The following DDX10 variants were observed in gnomAD, a reference collection of about 807,000 sequenced individuals.
DDX10 encodes the protein DEAD-box helicase 10.
In DDX10, 74 loss-of-function variants were observed where a neutral mutation model predicts 104.3. The ratio of observed to expected loss-of-function variants is 0.71; its 90% CI spans 0.59 to 0.86. The LOEUF (loss-of-function observed/expected upper bound fraction) is 0.86. Among genes scored for constraint, DDX10 ranks in the 40% least tolerant of loss-of-function variants. The pLI is 0.00. For synonymous variants in DDX10, 351 were observed against 353.4 expected, an observed-to-expected ratio of 0.99 and a Z score of 0.08; for missense variants, 952 against 1,040.0, an observed-to-expected ratio of 0.92 and a Z score of 1.16.
chr11:108,779,610 T>C (rs1349067653), intron 13 of DDX10, among the ~76,000 whole-genome samples: 2 of 152,200 alleles, frequency 1.3e-5, no homozygotes, highest in African/African-American at 4.8e-5. Context: ...GTGGCACATG[T>C]ATACATATGT....
chr11:108,939,613 T>G (rs1331375958), intron 17 of DDX10, among the ~76,000 whole-genome samples: 1 of 152,220 alleles, frequency 6.6e-6, no homozygotes, highest in East Asian at 1.9e-4. Context: ...ATCAAGTGAT[T>G]TCCTCAACTT....
At chr11:108,835,224 G>T (rs1862538010) in intron 13 of DDX10, among the ~76,000 whole-genome samples, 1 of 152,190 alleles carries the variant, frequency 6.6e-6, no homozygotes, top group Non-Finnish European at 1.5e-5. Context: ...ACTCTCTGAA[G>T]TGAGATAAGG....
At chr11:108,841,681 T>G (rs1005577809) in intron 15 of DDX10, among the ~76,000 whole-genome samples, 1 of 152,214 alleles carries the variant, frequency 6.6e-6, no homozygotes, top group African/African-American at 2.4e-5. Flanking sequence ...GAATGCCACT[T>G]AAATCTGTCT....
At chr11:108,887,878 C>T (rs1863320424) in intron 16 of DDX10, among the ~76,000 whole-genome samples, 1 of 151,990 alleles carries the variant, frequency 6.6e-6, no homozygotes, top group African/African-American at 2.4e-5. Flanking sequence ...CGCGATCACA[C>T]CACTCTCCAG....
In DDX10 at chr11:108,680,727, A is replaced by G. The variant is rs1409671677; in HGVS notation, c.848+1167A>G. On this transcript the variant is annotated intron_variant, in intron 6 of 17. Coordinates refer to ENST00000322536, the MANE Select transcript of DDX10 (RefSeq NM_004398.4). ...CTGAAATGTTAGCCTAAAAAGAAATAGATTTGGAAAATGAATTGTGTTATC... is the reference window on the plus strand; with the variant it reads ...CTGAAATGTTAGCCTAAAAAGAAATGGATTTGGAAAATGAATTGTGTTATC... Among the ~76,000 whole-genome samples, 13 of 152,236 alleles carry G rather than the reference A, an allele frequency of 8.5e-5. 1 individual carries two copies. The highest frequency in any genetic ancestry group is 7.9e-4 in the Admixed American group (12 of 15,280).
At chr11:108,675,481 A>G in intron 2 of DDX10, 115 bp from the exon 3 acceptor site, 1 of 1,107,028 alleles carries the variant, frequency 9.0e-7, no homozygotes, top group Non-Finnish European at 1.3e-6. Flanking sequence ...TTATGTTCTG[A>G]GGTACGAGGC....
At chr11:108,819,097 T>C (rs1182495137) in intron 13 of DDX10, among the ~76,000 whole-genome samples, 3 of 152,220 alleles carry the variant, frequency 2.0e-5, no homozygotes, top group East Asian at 3.8e-4. Context: ...CTTCCCTTCT[T>C]GTGACTTTGT....
At chr11:108,794,750 G>C (rs1861916152) in intron 13 of DDX10, among the ~76,000 whole-genome samples, 2 of 151,712 alleles carry the variant, frequency 1.3e-5, no homozygotes, top group African/African-American at 4.8e-5. Context: ...TATGTAGCTT[G>C]GTTCACTTTG....
At position 108,719,783 on chromosome 11, in the gene DDX10, C is replaced by G. The variant is rs766007464; in HGVS notation, c.1411-14C>G. The G allele has an allele frequency of 1.3e-6, 2 of 1,505,670 alleles. No individual in the cohort carries two copies. Among genetic ancestry groups the G allele is most frequent in the South Asian group, 1.1e-5 (1 of 87,522 alleles). 93.3% of individuals were successfully genotyped at this position (1,505,670 alleles called of 1,614,324 possible). Reference sequence around the variant, plus strand: ...TTTCTATTATATTGTACTTTTCAACCTCTTAATTTACAGTGTTTCGTCTCC... The same window carrying G: ...TTTCTATTATATTGTACTTTTCAACGTCTTAATTTACAGTGTTTCGTCTCC... On this transcript the variant is annotated splice_polypyrimidine_tract_variant and intron_variant, in intron 11 of 17. Transcript: ENST00000322536.
chr11:108,934,967 A>G (rs946588325), intron 17 of DDX10, among the ~76,000 whole-genome samples: 1 of 152,080 alleles, frequency 6.6e-6, no homozygotes, highest in African/African-American at 2.4e-5. Flanking sequence ...AGCAAAATCC[A>G]TTGAAATGTT....
At chr11:108,748,522 G>A (rs1040938689) in intron 13 of DDX10, among the ~76,000 whole-genome samples, 2 of 152,038 alleles carry the variant, frequency 1.3e-5, no homozygotes, top group South Asian at 4.2e-4. Context: ...CCATATACTG[G>A]GTCATGAAAT....
intron 16 of DDX10, among the ~76,000 whole-genome samples, chr11:108,914,835 TA>T (rs10624451): frequency 1.4e-5 from 2 of 144,288 alleles, no homozygotes; most frequent in African/African-American, 2.6e-5. Context: ...TGGTAACCAT[TA>T]AAAAAAAAAA....
intron 13 of DDX10, among the ~76,000 whole-genome samples, chr11:108,731,862 T>G (rs916060844): frequency 6.6e-6 from 1 of 152,234 alleles, no homozygotes; most frequent in Non-Finnish European, 1.5e-5. Flanking sequence ...TACTATCATT[T>G]GCACATATAA....
intron 9 of DDX10, among the ~76,000 whole-genome samples, chr11:108,694,024 T>C (rs61913975): frequency 0.12 from 18,651 of 151,948 alleles, 1,549 homozygotes; most frequent in East Asian, 0.27. Flanking sequence ...AAGTAACAAG[T>C]GGGTGGGGTC....
intron 13 of DDX10, among the ~76,000 whole-genome samples, chr11:108,775,564 T>A (rs187330478): frequency 3.7e-4 from 56 of 152,362 alleles, no homozygotes; most frequent in African/African-American, 1.3e-3. Flanking sequence ...TTAGCTCAGG[T>A]AGCATGTGAG....
At chr11:108,809,343 G>A (rs914716521) in intron 13 of DDX10, among the ~76,000 whole-genome samples, 1 of 152,180 alleles carries the variant, frequency 6.6e-6, no homozygotes, top group Non-Finnish European at 1.5e-5. Flanking sequence ...GGAATGTGGT[G>A]TTAGGGACTC....
rs543848289 is a variant in DDX10 at position 108,831,926 on chromosome 11, T to C, written c.1966-6520T>C. Among the ~76,000 whole-genome samples, 43 of 152,284 alleles carry C rather than the reference T, an allele frequency of 2.8e-4. No homozygotes were observed. In the South Asian group the frequency reaches 8.7e-3, roughly 31 times the overall value. On this transcript the variant is annotated intron_variant, in intron 13 of 17. Transcript: ENST00000322536. ...ATAGGACACTGAGAGTGACTACCAA[T>C]TTTGTATTTTATGATACTTTCCTTT...
intron 17 of DDX10, among the ~76,000 whole-genome samples, chr11:108,931,475 C>T (rs1200135034): frequency 6.6e-6 from 1 of 152,110 alleles, no homozygotes; most frequent in Non-Finnish European, 1.5e-5. Flanking sequence ...TTGGAAATGA[C>T]ATATTTAATA....
chr11:108,754,557 G>A (rs901122074), intron 13 of DDX10, among the ~76,000 whole-genome samples: 1 of 151,906 alleles, frequency 6.6e-6, no homozygotes, highest in Admixed American at 6.6e-5. Flanking sequence ...TACATTGGGT[G>A]CATATTTAAA....
Sources: allele counts gnomAD v4.1 joint callset (sites outside exome capture counted in the v4.1 genomes callset), GRCh38; gene constraint gnomAD v4.1.1; transcripts MANE v1.5; gene names NCBI Gene and HGNC (gene_info 2026-07-23, HGNC 2026-07-21).